Variants in PHEX observed in about 807,000 individuals in gnomAD.
PHEX encodes phosphate-regulating neutral endopeptidase PHEX.
PHEX carries 16 observed loss-of-function variants against 68.0 expected under a neutral mutation model. The ratio of observed to expected loss-of-function variants is 0.24; its 90% CI spans 0.16 to 0.36. PHEX has a LOEUF of 0.36. Among genes scored for constraint, PHEX ranks in the 10% least tolerant of loss-of-function variants. The pLI, the probability that PHEX is intolerant of heterozygous loss-of-function variation, is 1.00. For missense variants in PHEX, 480 were observed against 575.5 expected, an observed-to-expected ratio of 0.83 and a Z score of 1.70; for synonymous variants, 208 against 205.1, an observed-to-expected ratio of 1.01 and a Z score of -0.12.
chrX:22,154,923 AT>A (rs1932917684), intron 12 of PHEX, among the ~76,000 whole-genome samples: 1 of 111,917 alleles, frequency 8.9e-6, no homozygotes, highest in Non-Finnish European at 1.9e-5. Flanking sequence ...GCATTGATTG[AT>A]TGATTGAGAC....
At chrX:22,220,487 G>A (rs1245208046) in intron 17 of PHEX, among the ~76,000 whole-genome samples, 1 of 111,002 alleles carries the variant, frequency 9.0e-6, no homozygotes, top group Non-Finnish European at 1.9e-5. Flanking sequence ...GTTTATCTGA[G>A]ATGAGAGTCT....
intron 11 of PHEX, among the ~76,000 whole-genome samples, chrX:22,122,932 A>C (rs1931547949): frequency 9.1e-6 from 1 of 110,109 alleles, no homozygotes; most frequent in African/African-American, 3.3e-5. Context: ...TTGTTGGCCA[A>C]AGCAAGTCAC....
intron 21 of PHEX, 40 bp downstream of exon 21, chrX:22,245,449 A>C (rs765808612): frequency 2.2e-6 from 2 of 914,582 alleles, no homozygotes; most frequent in Non-Finnish European, 1.6e-6. Flanking sequence ...TTAACTGTAC[A>C]TCTCCCCCCT....
rs186584662 is a variant in PHEX, at chrX:22,054,340, G to A, written c.349+7129G>A. Among the ~76,000 whole-genome samples the A allele has an allele frequency of 7.2e-3, 800 of 111,031 alleles. 10 individuals are homozygous for A. Among genetic ancestry groups the A allele is most frequent in the African/African-American group, 0.025 (749 of 30,500 alleles). ...AGTAGAGACAGAGTTTCCTCATGTC[G>A]GCCAGGCTGGTCTTGAACTCTTGAC... On this transcript the variant is annotated intron_variant, in intron 3 of 21. Transcript: ENST00000379374.
intron 21 of PHEX, among the ~76,000 whole-genome samples, chrX:22,246,933 G>A (rs183606754): frequency 8.9e-6 from 1 of 111,752 alleles, no homozygotes; most frequent in African/African-American, 3.2e-5. Context: ...AGTTTTTTGT[G>A]TGTGTGTGTG....
intron 5 of PHEX, among the ~76,000 whole-genome samples, chrX:22,082,673 T>A (rs188902817): frequency 8.9e-6 from 1 of 112,532 alleles, no homozygotes; most frequent in African/African-American, 3.2e-5. Context: ...GTTTATTCTG[T>A]TGATAGCTTC....
intron 3 of PHEX, among the ~76,000 whole-genome samples, chrX:22,049,662 A>G (rs950366321): frequency 9.1e-6 from 1 of 109,385 alleles, no homozygotes; most frequent in Admixed American, 9.9e-5. Flanking sequence ...ATCTGAGGTC[A>G]CGAGTTCAAG....
At chrX:22,049,686 A>G (rs533064867) in intron 3 of PHEX, among the ~76,000 whole-genome samples, 2 of 109,303 alleles carry the variant, frequency 1.8e-5, no homozygotes, top group South Asian at 4.1e-4. Flanking sequence ...AGCCTAACAT[A>G]GCGAAACCCC....
At chrX:22,239,275 G>A (rs938268179) in intron 20 of PHEX, among the ~76,000 whole-genome samples, 1 of 111,741 alleles carries the variant, frequency 8.9e-6, no homozygotes, top group African/African-American at 3.3e-5. Context: ...ACGAGGATGG[G>A]GAGAAACCAG....
intron 3 of PHEX, among the ~76,000 whole-genome samples, chrX:22,048,958 A>G (rs1927681073): frequency 1.8e-5 from 2 of 111,965 alleles, no homozygotes; most frequent in African/African-American, 6.5e-5. Context: ...GCATAACTTC[A>G]TATGCACACC....
At chrX:22,036,302 C>T (rs1250364470) in intron 1 of PHEX, among the ~76,000 whole-genome samples, 2 of 108,594 alleles carry the variant, frequency 1.8e-5, no homozygotes, top group South Asian at 4.0e-4. Context: ...TCAGGTGATC[C>T]GCCCACCTCG....
At chrX:22,227,691 C>A in intron 20 of PHEX, 80 bp downstream of exon 20, 1 of 656,488 alleles carries the variant, frequency 1.5e-6, no homozygotes, top group Non-Finnish European at 2.5e-6. Context: ...AGATTTCAAA[C>A]AAAAGTTTAA....
Position 22,042,755 on chromosome X carries a change from AC to A in PHEX, c.187+4219del, listed in dbSNP as rs758640202. Among the ~76,000 whole-genome samples, 448 of 112,082 alleles carry A rather than the reference AC, an allele frequency of 4.0e-3. 3 individuals carry two copies. The highest frequency in any genetic ancestry group is 5.8e-3 in the Non-Finnish European group (310 of 53,134). ...AGCCGAGATTGCAGGTTGAATCTGC[AC>A]TTCAACCCCAAGGGGGAGGTTGCAG... is the stretch of plus-strand genomic sequence containing the variant. On this transcript the variant is annotated intron_variant, in intron 2 of 21. Transcript: ENST00000379374.
intron 3 of PHEX, among the ~76,000 whole-genome samples, chrX:22,056,273 G>A (rs768010411): frequency 1.8e-5 from 2 of 111,943 alleles, no homozygotes; most frequent in South Asian, 3.7e-4. Context: ...TAACCAAAAA[G>A]CCTAGTAATT....
chrX:22,139,303 C>T (rs183725784), intron 12 of PHEX, among the ~76,000 whole-genome samples: 21 of 111,335 alleles, frequency 1.9e-4, no homozygotes, highest in African/African-American at 5.6e-4. Context: ...CTGGACCAGA[C>T]GGTGAGAGGA....
rs1299918047 is a variant in PHEX, at chrX:22,251,050, T to G, written c.*3097T>G. The G allele has an allele frequency of 1.8e-5, 2 of 112,489 alleles. No individual in the cohort carries two copies. The highest frequency in any genetic ancestry group is 3.8e-5 in the Non-Finnish European group (2 of 53,318). The allele number at this position is 112,489 out of a possible 1,213,427, so 9.3% of individuals were successfully genotyped here. ...ATTCAATCAGTATTTCTATAATCACTTAGCATTTGATAGGCTTCTTCCTTG... is the reference window on the plus strand; with the variant it reads ...ATTCAATCAGTATTTCTATAATCACGTAGCATTTGATAGGCTTCTTCCTTG... On this transcript the variant is annotated 3_prime_UTR_variant, in exon 22 of 22. Coordinates refer to ENST00000379374, the MANE Select transcript of PHEX (RefSeq NM_000444.6).
intron 16 of PHEX, among the ~76,000 whole-genome samples, chrX:22,214,959 A>ATATC (rs1411521724): frequency 8.9e-6 from 1 of 111,743 alleles, no homozygotes; most frequent in Non-Finnish European, 1.9e-5. Context: ...AAATATATAT[A>ATATC]TATCTAAAAA....
intron 12 of PHEX, among the ~76,000 whole-genome samples, chrX:22,137,778 C>G (rs1932294595): frequency 8.9e-6 from 1 of 111,878 alleles, no homozygotes; most frequent in Non-Finnish European, 1.9e-5. Flanking sequence ...GAACCCCTGT[C>G]TTGTCCTTAC....
chrX:22,210,025 G>GA (rs1485255347), intron 15 of PHEX, among the ~76,000 whole-genome samples: 1 of 110,708 alleles, frequency 9.0e-6, no homozygotes, highest in African/African-American at 3.3e-5. Context: ...TAAAAAGGCA[G>GA]AAAAAAGGAA....
Sources: allele counts gnomAD v4.1 joint callset (sites outside exome capture counted in the v4.1 genomes callset), GRCh38; gene constraint gnomAD v4.1.1; transcripts MANE v1.5; gene names NCBI Gene and HGNC (gene_info 2026-07-23, HGNC 2026-07-21).